Variants in PDE10A observed in about 807,000 individuals in gnomAD.
PDE10A encodes phosphodiesterase 10A, also known as cAMP and cAMP-inhibited cGMP 3',5'-cyclic phosphodiesterase 10A.
In PDE10A, 39 loss-of-function variants were observed where a neutral mutation model predicts 97.7. The ratio of observed to expected loss-of-function variants is 0.40; its 90% CI spans 0.31 to 0.52. PDE10A has a LOEUF of 0.52. Ranked by LOEUF, PDE10A falls within the 20% of genes least tolerant of loss-of-function variation. The pLI is 0.56. For missense variants in PDE10A, 731 were observed against 1,047.8 expected (o/e 0.70, Z 4.17); for synonymous variants, 371 against 376.8 (o/e 0.98, Z 0.18).
chr6:165,909,492 C>T (rs761355549), intron 1 of PDE10A, among the ~76,000 whole-genome samples: 1 of 152,182 alleles, frequency 6.6e-6, no homozygotes, highest in Non-Finnish European at 1.5e-5. Flanking sequence ...CATATTATGG[C>T]TGCAGGATAA....
intron 1 of PDE10A, among the ~76,000 whole-genome samples, chr6:165,597,694 T>G (rs773142660): frequency 2.0e-5 from 3 of 152,228 alleles, no homozygotes; most frequent in Non-Finnish European, 2.9e-5. Context: ...ATGTTCCAGT[T>G]AGTTCTTTTC....
At chr6:165,806,943 G>A (rs754033036) in intron 1 of PDE10A, among the ~76,000 whole-genome samples, 9 of 152,180 alleles carry the variant, frequency 5.9e-5, no homozygotes, top group Admixed American at 2.0e-4. Context: ...TTCACTCAGT[G>A]AGCACATCTG....
At chr6:165,780,334 A>G (rs912687109) in intron 1 of PDE10A, 1 of 152,268 alleles carries the variant, frequency 6.6e-6, no homozygotes, top group Admixed American at 6.5e-5. Flanking sequence ...TATAACAATT[A>G]TCTTCACACC....
intron 13 of PDE10A, among the ~76,000 whole-genome samples, chr6:165,399,623 T>G (rs1435419751): frequency 6.9e-6 from 1 of 145,742 alleles, no homozygotes; most frequent in Non-Finnish European, 1.5e-5. Context: ...CCCCTTCCTG[T>G]GTCCATGTGT....
intron 1 of PDE10A, among the ~76,000 whole-genome samples, chr6:165,691,203 CCACACACA>C (rs1241239698): frequency 2.8e-5 from 3 of 108,662 alleles, no homozygotes; most frequent in East Asian, 2.7e-4. Context: ...CTCTCTCTCC[CCACACACA>C]CACACACACA....
At chr6:165,489,518 C>A (rs2128286253) in intron 2 of PDE10A, among the ~76,000 whole-genome samples, 1 of 152,256 alleles carries the variant, frequency 6.6e-6, no homozygotes, top group South Asian at 2.1e-4. Context: ...AGAAACAATT[C>A]TGGTAATATG....
intron 3 of PDE10A, among the ~76,000 whole-genome samples, chr6:165,479,663 C>A (rs1779490612): frequency 6.6e-6 from 1 of 152,192 alleles, no homozygotes; most frequent in Non-Finnish European, 1.5e-5. Flanking sequence ...ATTTTCTGAA[C>A]TGTTTCCACA....
Position 165,410,221 on chromosome 6 carries a change from C to G in PDE10A, c.2076+3280G>C, listed in dbSNP as rs148174383. On this transcript the variant is annotated intron_variant, in intron 13 of 21. Transcript: ENST00000539869. ...TGAGGGCTAATAAAGGTTTCTGAAACTTTCCTAAAATATTAAAGGTGAACT... is the reference window on the plus strand; with the variant it reads ...TGAGGGCTAATAAAGGTTTCTGAAAGTTTCCTAAAATATTAAAGGTGAACT... Among the ~76,000 whole-genome samples the G allele has an allele frequency of 8.6e-3, 1,304 of 152,214 alleles. 22 individuals are homozygous for G. Among genetic ancestry groups the G allele is most frequent in the African/African-American group, 0.03 (1,241 of 41,546 alleles).
chr6:165,784,993 A>C (rs1019134236), intron 1 of PDE10A, among the ~76,000 whole-genome samples: 2 of 152,202 alleles, frequency 1.3e-5, no homozygotes, highest in Non-Finnish European at 2.9e-5. Context: ...TTTCTCTTCT[A>C]TCGTAAGGTC....
At chr6:165,749,416 TCATCAC>T in intron 1 of PDE10A, among the ~76,000 whole-genome samples, 2 of 68,424 alleles carry the variant, frequency 2.9e-5, no homozygotes, top group Middle Eastern at 0.02. Flanking sequence ...ACCATCACCA[TCATCAC>T]CATCACCACC....
At chr6:165,786,967 ATTTCT>A (rs2128462781) in intron 1 of PDE10A, among the ~76,000 whole-genome samples, 1 of 152,288 alleles carries the variant, frequency 6.6e-6, no homozygotes, top group East Asian at 1.9e-4. Context: ...GTTTATTAAC[ATTTCT>A]TTGCTTCATT....
At position 165,711,507 on chromosome 6, in the gene PDE10A, T is replaced by C. The variant is rs1409545829; in HGVS notation, c.-614-167939A>G. On this transcript the variant is annotated intron_variant, in intron 1 of 19. Coordinates refer to the PDE10A transcript ENST00000366882. This position sits in a 1 kb window ranked among gnomAD's most constrained non-coding sequence, Gnocchi z 4.5. Reference sequence around the variant, plus strand: ...CTGTCTGGAGAGGGCCTTAAGTCACTCTCCATTTGGAGGTTTTCTTGAGGG... The same window carrying C: ...CTGTCTGGAGAGGGCCTTAAGTCACCCTCCATTTGGAGGTTTTCTTGAGGG... 1.3e-5 allele frequency among the ~76,000 whole-genome samples: 2 copies of C among 152,126 alleles called. No homozygotes were observed. The highest frequency in any genetic ancestry group is 2.4e-5 in the African/African-American group (1 of 41,420).
At chr6:165,914,896 C>A (rs892312569) in intron 1 of PDE10A, among the ~76,000 whole-genome samples, 1 of 152,220 alleles carries the variant, frequency 6.6e-6, no homozygotes, top group African/African-American at 2.4e-5. Flanking sequence ...ATTCCTCTCA[C>A]AACTGGTCTG....
intron 13 of PDE10A, among the ~76,000 whole-genome samples, chr6:165,408,039 T>C (rs1787353202): frequency 6.6e-6 from 1 of 152,214 alleles, no homozygotes; most frequent in African/African-American, 2.4e-5. Context: ...GCTTCTTAGA[T>C]AGGCTCTTAA....
At chr6:165,928,217 G>T (rs984038273) in intron 1 of PDE10A, among the ~76,000 whole-genome samples, 2 of 152,102 alleles carry the variant, frequency 1.3e-5, no homozygotes, top group Non-Finnish European at 2.9e-5. Flanking sequence ...CTGCATGGGC[G>T]TCCTCAAAGG....
At chr6:165,626,760 G>A (rs931676739) in intron 1 of PDE10A, among the ~76,000 whole-genome samples, 21 of 152,066 alleles carry the variant, frequency 1.4e-4, no homozygotes, top group Non-Finnish European at 2.6e-4. Context: ...GAGGTGGGGC[G>A]GCGGGGGGAA....
chr6:165,914,967 A>T (rs1782564126), intron 1 of PDE10A, among the ~76,000 whole-genome samples: 2 of 152,122 alleles, frequency 1.3e-5, no homozygotes, highest in African/African-American at 4.8e-5. Context: ...AGAAGATGGG[A>T]TGCTATTCCA....
intron 13 of PDE10A, among the ~76,000 whole-genome samples, chr6:165,409,273 G>A (rs1230202706): frequency 6.6e-6 from 1 of 151,988 alleles, no homozygotes; most frequent in Non-Finnish European, 1.5e-5. Context: ...TTGGCTGGGC[G>A]AGGTGGCTCA....
chr6:165,983,415 G>A (rs1188352091), intron 1 of PDE10A, among the ~76,000 whole-genome samples: 1 of 152,110 alleles, frequency 6.6e-6, no homozygotes, highest in Non-Finnish European at 1.5e-5. Context: ...ATGGATTGGT[G>A]GTAGGGAAGG....
Sources: gnomAD v4.1 joint callset for allele counts (sites outside exome capture counted in the v4.1 genomes callset) on GRCh38, gnomAD v4.1.1 for gene constraint, Gnocchi (gnomAD v3.1) non-coding constraint, MANE v1.5 for transcripts, NCBI Gene and HGNC (gene_info 2026-07-23, HGNC 2026-07-21) for gene names.